The following SPECC1L variants were observed in gnomAD, a reference collection of about 807,000 sequenced individuals.
SPECC1L encodes sperm antigen with calponin homology and coiled-coil domains 1 like.
SPECC1L carries 40 observed loss-of-function variants against 116.8 expected under a neutral mutation model. That is an observed-to-expected ratio of 0.34 (90% confidence interval 0.27 to 0.45). The LOEUF (loss-of-function observed/expected upper bound fraction) is 0.45. SPECC1L is among the 20% of genes least tolerant of loss of function. The pLI is 1.00. For missense variants in SPECC1L, 1,110 were observed against 1,373.6 expected (o/e 0.81, Z 3.03); for synonymous variants, 504 against 500.6 (o/e 1.01, Z -0.09).
At chr22:24,374,154 A>G (rs1476881390) in intron 14 of SPECC1L, among the ~76,000 whole-genome samples, 1 of 152,012 alleles carries the variant, frequency 6.6e-6, no homozygotes, top group Non-Finnish European at 1.5e-5. Context: ...AGAAATAGGA[A>G]CACTTTTACA....
chr22:24,345,425 T>G (rs2041271726), intron 10 of SPECC1L, among the ~76,000 whole-genome samples: 1 of 152,140 alleles, frequency 6.6e-6, no homozygotes. Flanking sequence ...TAAAAAAGCA[T>G]GAACTATAAA....
chr22:24,330,187 A>G, intron 7 of SPECC1L, 69 bp from the exon 8 acceptor site: 11 of 1,542,142 alleles, frequency 7.1e-6, no homozygotes, highest in Non-Finnish European at 9.8e-6. Context: ...ATCATAAACA[A>G]ATTTTATTGC....
chr22:24,413,694 A>G (rs2042745810), intron 16 of SPECC1L, among the ~76,000 whole-genome samples: 1 of 152,220 alleles, frequency 6.6e-6, no homozygotes, highest in South Asian at 2.1e-4. Context: ...CAACACGTGT[A>G]AAGTTCCAAT....
At chr22:24,340,511 A>G (rs1569427023) in intron 10 of SPECC1L, among the ~76,000 whole-genome samples, 2 of 152,186 alleles carry the variant, frequency 1.3e-5, no homozygotes, top group African/African-American at 2.4e-5. Flanking sequence ...GAAAATATAG[A>G]TAAAAGCAAA....
At chr22:24,385,435 A>G (rs1249165162) in intron 14 of SPECC1L, among the ~76,000 whole-genome samples, 1 of 152,238 alleles carries the variant, frequency 6.6e-6, no homozygotes, top group Non-Finnish European at 1.5e-5. Context: ...TAAAAACAAT[A>G]GACTCAACCA....
intron 15 of SPECC1L, 34 bp from the exon 16 acceptor site, chr22:24,412,614 T>C (rs762512294): frequency 1.2e-6 from 2 of 1,611,382 alleles, no homozygotes; most frequent in South Asian, 1.1e-5. Context: ...CTGTGCCTTG[T>C]TCATGCACTG....
intron 10 of SPECC1L, chr22:24,343,686 C>G: frequency 5.2e-6 from 1 of 194,076 alleles, no homozygotes; most frequent in South Asian, 6.0e-5. Context: ...GTCTCAAATT[C>G]CTGGACTCAG....
At chr22:24,296,005 A>G (rs1407660289) in intron 2 of SPECC1L, among the ~76,000 whole-genome samples, 2 of 152,178 alleles carry the variant, frequency 1.3e-5, no homozygotes, top group Non-Finnish European at 2.9e-5. Context: ...ACAAATCTAG[A>G]AGGGGCAGGT....
At chr22:24,389,681 C>T (rs1207710759) in intron 14 of SPECC1L, among the ~76,000 whole-genome samples, 1 of 151,992 alleles carries the variant, frequency 6.6e-6, no homozygotes, top group Non-Finnish European at 1.5e-5. Context: ...TTGTGTGTCC[C>T]CATAGATTGA....
chr22:24,285,501 C>A (rs560606759), intron 2 of SPECC1L, among the ~76,000 whole-genome samples: 1 of 152,302 alleles, frequency 6.6e-6, no homozygotes, highest in East Asian at 1.9e-4. Flanking sequence ...AGTCTGAGTT[C>A]TTTCCACTTG....
At chr22:24,390,238 C>T (rs181072728) in intron 14 of SPECC1L, among the ~76,000 whole-genome samples, 52 of 151,958 alleles carry the variant, frequency 3.4e-4, no homozygotes, top group African/African-American at 1.2e-3. Context: ...ACCTTCCTAG[C>T]GTCCTCTCTC....
intron 14 of SPECC1L, among the ~76,000 whole-genome samples, chr22:24,374,496 A>G (rs1187972109): frequency 6.6e-6 from 1 of 151,894 alleles, no homozygotes; most frequent in African/African-American, 2.4e-5. Flanking sequence ...GCTGGAAACC[A>G]TCATTCTCAG....
rs2049396231 is a variant in SPECC1L, at chr22:24,302,240, A to G, written c.9A>G (p.Lys3=). ...CGAAGAGGCAGCCCAGAATGAAGAAAGCAAGCAGGAGTGTTGGCTCAGTGC... is the reference window on the plus strand; with the variant it reads ...CGAAGAGGCAGCCCAGAATGAAGAAGGCAAGCAGGAGTGTTGGCTCAGTGC... The part of the protein sequence containing the change: MK[K]ASRSVGSVPK... The change falls in exon 3 of 17, where the codon AAA becomes AAG. Residue 3 remains lysine, a synonymous_variant. Transcript: ENST00000314328. 8.7e-6 allele frequency: 14 copies of G among 1,614,132 alleles called. No homozygotes were observed. Among genetic ancestry groups the G allele is most frequent in the Non-Finnish European group, 1.0e-5 (12 of 1,180,034 alleles).
chr22:24,327,277 CAA>C (rs58725731), intron 6 of SPECC1L, among the ~76,000 whole-genome samples: 93 of 41,944 alleles, frequency 2.2e-3, no homozygotes, highest in East Asian at 0.022. Flanking sequence ...GACTCCGTCT[CAA>C]AAAAAAAAAA....
At chr22:24,305,431 A>T (rs776573219) in intron 3 of SPECC1L, among the ~76,000 whole-genome samples, 6 of 152,108 alleles carry the variant, frequency 3.9e-5, no homozygotes, top group African/African-American at 7.2e-5. Flanking sequence ...GTAGTCACAC[A>T]CTATGTTCTT....
intron 8 of SPECC1L, among the ~76,000 whole-genome samples, chr22:24,331,614 C>T (rs1270082141): frequency 6.6e-6 from 1 of 152,150 alleles, no homozygotes; most frequent in East Asian, 1.9e-4. Context: ...GACAGTGGTT[C>T]TCAGAGTGAG....
At chr22:24,344,215 A>G (rs761157769) in intron 10 of SPECC1L, among the ~76,000 whole-genome samples, 11 of 152,334 alleles carry the variant, frequency 7.2e-5, no homozygotes, top group Non-Finnish European at 1.5e-4. Context: ...ATGCAATATA[A>G]AAGCACACAT....
intron 8 of SPECC1L, 49 bp downstream of exon 8, chr22:24,330,480 T>C (rs1331180423): frequency 6.3e-7 from 1 of 1,592,902 alleles, no homozygotes; most frequent in Non-Finnish European, 8.6e-7. Flanking sequence ...TAGAGAACAC[T>C]TAAATCCCAA....
chr22:24,312,393 T>G (rs974502141), intron 3 of SPECC1L, among the ~76,000 whole-genome samples: 4 of 152,238 alleles, frequency 2.6e-5, no homozygotes, highest in Non-Finnish European at 4.4e-5. Context: ...TAGTTACTTA[T>G]GAACTATCTT....
Sources: allele counts gnomAD v4.1 joint callset (sites outside exome capture counted in the v4.1 genomes callset), GRCh38; gene constraint gnomAD v4.1.1; transcripts MANE v1.5; gene names NCBI Gene and HGNC (gene_info 2026-07-23, HGNC 2026-07-21).